CTNNA3: variants seen among roughly 807,000 people sequenced by gnomAD.
The protein encoded by CTNNA3 is catenin alpha-3.
A neutral mutation model predicts 95.7 loss-of-function variants in CTNNA3; 76 were observed. That is an observed-to-expected ratio of 0.79 (90% confidence interval 0.66 to 0.96). The LOEUF (loss-of-function observed/expected upper bound fraction) is 0.96, where lower values mean the gene tolerates loss of function less well. Ranked by LOEUF, CTNNA3 falls within the 40% of genes least tolerant of loss-of-function variation. CTNNA3 has a pLI of 0.00. For synonymous variants in CTNNA3, 431 were observed against 374.4 expected (o/e 1.15, Z -1.74); for missense variants, 1,191 against 1,089.8 (o/e 1.09, Z -1.31).
intron 5 of CTNNA3, among the ~76,000 whole-genome samples, chr10:67,392,564 C>A (rs1177136328): frequency 6.6e-6 from 1 of 152,092 alleles, no homozygotes. Context: ...GGGTATATAC[C>A]CAAAGGACTA....
At chr10:67,285,289 A>C (rs1271354826) in intron 5 of CTNNA3, among the ~76,000 whole-genome samples, 1 of 152,206 alleles carries the variant, frequency 6.6e-6, no homozygotes, top group Admixed American at 6.5e-5. Context: ...ACAGCATTGC[A>C]GAGCTAGCTA....
At chr10:67,440,292 T>C (rs958847683) in intron 5 of CTNNA3, among the ~76,000 whole-genome samples, 1 of 152,090 alleles carries the variant, frequency 6.6e-6, no homozygotes, top group Non-Finnish European at 1.5e-5. Flanking sequence ...GGACTTTGTC[T>C]TGTGGTTTGA....
chr10:67,733,264 T>C (rs1031297467), intron 1 of CTNNA3, among the ~76,000 whole-genome samples: 9 of 152,194 alleles, frequency 5.9e-5, no homozygotes, highest in African/African-American at 2.2e-4. Flanking sequence ...ACATAAATTT[T>C]CTTTGAAAAG....
intron 7 of CTNNA3, among the ~76,000 whole-genome samples, chr10:66,830,361 T>C (rs1842671389): frequency 1.3e-5 from 2 of 152,054 alleles, no homozygotes; most frequent in African/African-American, 2.4e-5. Context: ...TACCTGAAGG[T>C]TTTTCTTTCC....
At chr10:67,581,552 A>G (rs1162380661) in intron 3 of CTNNA3, among the ~76,000 whole-genome samples, 1 of 152,192 alleles carries the variant, frequency 6.6e-6, no homozygotes, top group Non-Finnish European at 1.5e-5. Flanking sequence ...AGGCTTTGGT[A>G]TCAGGATGAT....
At chr10:66,252,201 C>G (rs767486014) in intron 13 of CTNNA3, among the ~76,000 whole-genome samples, 14 of 152,092 alleles carry the variant, frequency 9.2e-5, no homozygotes, top group Non-Finnish European at 1.6e-4. Flanking sequence ...TCAGATACAG[C>G]CTTTTAGCTT....
At chr10:66,389,370 G>A (rs2092918264) in intron 11 of CTNNA3, among the ~76,000 whole-genome samples, 1 of 152,116 alleles carries the variant, frequency 6.6e-6, no homozygotes, top group South Asian at 2.1e-4. Context: ...AACAGCTTCA[G>A]AGTATCAGCT....
chr10:67,612,058 T>G (rs1308139290), intron 2 of CTNNA3, among the ~76,000 whole-genome samples: 5 of 152,156 alleles, frequency 3.3e-5, no homozygotes. Flanking sequence ...ATTCTTTTAC[T>G]TCTACCAAAA....
At chr10:66,146,199 G>T (rs2083878642) in intron 13 of CTNNA3, among the ~76,000 whole-genome samples, 1 of 152,118 alleles carries the variant, frequency 6.6e-6, no homozygotes, top group South Asian at 2.1e-4. Flanking sequence ...GTGAAAATTT[G>T]AGTCTTAGTA....
intron 13 of CTNNA3, among the ~76,000 whole-genome samples, chr10:66,164,709 C>T (rs778818977): frequency 3.2e-4 from 48 of 152,042 alleles, no homozygotes; most frequent in Non-Finnish European, 5.4e-4. Flanking sequence ...TGGTTGTGTT[C>T]TATGTGAAAT....
chr10:66,519,494 G>A lies in CTNNA3; in HGVS notation c.1531+1123C>T, dbSNP rs1034022958. 9.2e-5 allele frequency among the ~76,000 whole-genome samples: 14 copies of A among 152,132 alleles called. 1 individual carries two copies. The highest frequency in any genetic ancestry group is 1.6e-4 in the Non-Finnish European group (11 of 68,010). ...AAAGGGAAAAGTCAAGCTGGGAACT[G>A]CTTAGGACAAACCTGCCTCCCATTC... On this transcript the variant is annotated intron_variant, in intron 11 of 17. Transcript: ENST00000433211.
intron 8 of CTNNA3, 40 bp downstream of exon 8, chr10:66,775,403 AG>A: frequency 7.6e-7 from 1 of 1,314,042 alleles, no homozygotes; most frequent in Non-Finnish European, 1.1e-6. Flanking sequence ...AGTTTCATTT[AG>A]CCCCTATGTT....
intron 7 of CTNNA3, among the ~76,000 whole-genome samples, chr10:67,079,618 G>T (rs990678227): frequency 1.3e-5 from 2 of 152,108 alleles, no homozygotes; most frequent in Admixed American, 6.5e-5. Context: ...GGGAGGCCAA[G>T]GTGGGCAGAT....
chr10:67,680,691 G>A (rs1289497599), intron 1 of CTNNA3, among the ~76,000 whole-genome samples: 4 of 152,032 alleles, frequency 2.6e-5, no homozygotes, highest in Non-Finnish European at 5.9e-5. Flanking sequence ...CCCTGGCTAA[G>A]GTACCCTTTA....
chr10:66,382,674 T>A (rs2092851346), intron 11 of CTNNA3, among the ~76,000 whole-genome samples: 1 of 152,148 alleles, frequency 6.6e-6, no homozygotes, highest in South Asian at 2.1e-4. Flanking sequence ...GGGAGACACC[T>A]CCCAGTAGAG....
chr10:67,248,281 T>A (rs775961265), intron 5 of CTNNA3, among the ~76,000 whole-genome samples: 1 of 152,170 alleles, frequency 6.6e-6, no homozygotes, highest in Non-Finnish European at 1.5e-5. Context: ...GAAACTGCAG[T>A]GAGCCCTGAT....
At chr10:66,282,909 T>TGAA (rs1295139424) in intron 12 of CTNNA3, among the ~76,000 whole-genome samples, 1 of 151,818 alleles carries the variant, frequency 6.6e-6, no homozygotes, top group African/African-American at 2.4e-5. Context: ...AATGAATGAA[T>TGAA]TAATTAATTA....
At chr10:67,495,731 AC>A (rs1196575705) in intron 5 of CTNNA3, among the ~76,000 whole-genome samples, 42 of 152,178 alleles carry the variant, frequency 2.8e-4, no homozygotes, top group African/African-American at 9.4e-4. Flanking sequence ...ATTTTTTATT[AC>A]TTAGGCCTGA....
At chr10:66,472,225 A>C (rs1329665556) in intron 11 of CTNNA3, among the ~76,000 whole-genome samples, 2 of 147,876 alleles carry the variant, frequency 1.4e-5, no homozygotes, top group Non-Finnish European at 3.0e-5. Context: ...ATGAATTTAG[A>C]TTTTTTTTTT....
Sources: allele counts gnomAD v4.1 joint callset (sites outside exome capture counted in the v4.1 genomes callset), GRCh38; gene constraint gnomAD v4.1.1; transcripts MANE v1.5; gene names NCBI Gene and HGNC (gene_info 2026-07-23, HGNC 2026-07-21).